The following DPYSL5 variants were observed in gnomAD, a reference collection of about 807,000 sequenced individuals.
DPYSL5 encodes dihydropyrimidinase like 5.
A neutral mutation model predicts 58.4 loss-of-function variants in DPYSL5; 9 were observed. That is an observed-to-expected ratio of 0.15 (90% CI 0.09 to 0.27). The LOEUF is 0.27. Ranked by LOEUF, DPYSL5 falls within the 10% of genes least tolerant of loss-of-function variation. The probability of loss-of-function intolerance (pLI) is 1.00; values close to 1 mark genes in which losing one functional copy is unlikely to be tolerated. For synonymous variants in DPYSL5, 293 were observed against 301.9 expected (o/e 0.97, Z 0.31); for missense variants, 499 against 770.6 (o/e 0.65, Z 4.17).
intron 1 of DPYSL5, among the ~76,000 whole-genome samples, chr2:26,885,320 G>A (rs375152171): frequency 4.5e-4 from 68 of 152,268 alleles, no homozygotes; most frequent in Middle Eastern, 3.4e-3. Flanking sequence ...TCCTGCACTC[G>A]GAAGAGGATG....
At chr2:26,879,751 G>T (rs1388765624) in intron 1 of DPYSL5, among the ~76,000 whole-genome samples, 2 of 151,378 alleles carry the variant, frequency 1.3e-5, no homozygotes, top group East Asian at 3.9e-4. Flanking sequence ...TGATCTAAAG[G>T]ATTCCTAGAG....
chr2:26,913,343 A>G (rs1008663305), intron 2 of DPYSL5, among the ~76,000 whole-genome samples: 2 of 152,190 alleles, frequency 1.3e-5, no homozygotes, highest in African/African-American at 2.4e-5. Context: ...GGTCCCTCAT[A>G]TCAATGGAAT....
chr2:26,892,746 T>G (rs1283999580), intron 1 of DPYSL5, among the ~76,000 whole-genome samples: 2 of 108,318 alleles, frequency 1.8e-5, no homozygotes, highest in East Asian at 5.8e-4. Context: ...CATAGAGCAT[T>G]GGGTTTGTTT....
In DPYSL5 at chr2:26,898,266, A is replaced by T. The variant is rs1664065531; in HGVS notation, c.-4-230A>T. ...TAGCATTTTGGGAAAGTAAAACATG[A>T]TGTTTCTGTAGGCCCCAGCTTCTCC... On this transcript the variant is annotated intron_variant, in intron 1 of 12. Transcript: ENST00000288699. This position sits in a 1 kb window ranked among gnomAD's most constrained non-coding sequence, Gnocchi z 6.1. Among the ~76,000 whole-genome samples the T allele has an allele frequency of 6.6e-6, 1 of 152,092 alleles. No homozygotes were observed. Among genetic ancestry groups the T allele is most frequent in the Admixed American group, 6.5e-5 (1 of 15,270 alleles).
chr2:26,916,063 C>G (rs1251620245), intron 2 of DPYSL5, among the ~76,000 whole-genome samples: 2 of 151,942 alleles, frequency 1.3e-5, no homozygotes, highest in Non-Finnish European at 2.9e-5. Context: ...TCTAAAAATT[C>G]CCTTCCCCCT....
chr2:26,849,352 G>A lies in DPYSL5; in HGVS notation c.-5+1098G>A, dbSNP rs1428847170. On this transcript the variant is annotated intron_variant, in intron 1 of 12. Transcript: ENST00000288699. This position sits in a 1 kb window ranked among gnomAD's most constrained non-coding sequence, Gnocchi z 6.2. ...GGAAGGGGAGCCTCCCGAGGAGGGA[G>A]GGGCAAGCAGCTGAGAGGCGGTCTC... 1.3e-5 allele frequency among the ~76,000 whole-genome samples: 2 copies of A among 151,988 alleles called. No homozygotes were observed. Among genetic ancestry groups the A allele is most frequent in the Non-Finnish European group, 2.9e-5 (2 of 67,960 alleles).
intron 1 of DPYSL5, among the ~76,000 whole-genome samples, chr2:26,851,418 A>G (rs1157437316): frequency 6.6e-6 from 1 of 152,242 alleles, no homozygotes; most frequent in Non-Finnish European, 1.5e-5. Context: ...TAATGCTTCT[A>G]TCTCTGGAAA....
chr2:26,865,477 C>G (rs1358545790), intron 1 of DPYSL5, among the ~76,000 whole-genome samples: 1 of 152,030 alleles, frequency 6.6e-6, no homozygotes, highest in African/African-American at 2.4e-5. Context: ...TGCACCACCA[C>G]GCCCAGCTAA....
At chr2:26,928,632 G>A (rs1664884696) in intron 5 of DPYSL5, among the ~76,000 whole-genome samples, 1 of 147,954 alleles carries the variant, frequency 6.8e-6, no homozygotes, top group African/African-American at 2.5e-5. Flanking sequence ...AGCCCAGGAG[G>A]TTGAGGCTGC....
At chr2:26,932,185 A>AAG (rs1438010833) in intron 6 of DPYSL5, among the ~76,000 whole-genome samples, 1 of 70,374 alleles carries the variant, frequency 1.4e-5, no homozygotes. Context: ...GAAAGAAAGA[A>AAG]AGAAAGAAAG....
intron 2 of DPYSL5, among the ~76,000 whole-genome samples, chr2:26,912,724 C>T (rs1377106852): frequency 1.3e-5 from 2 of 152,224 alleles, no homozygotes; most frequent in Non-Finnish European, 2.9e-5. Context: ...AAATTGGATG[C>T]TCGGCAGTGA....
At chr2:26,873,637 C>T (rs1467017958) in intron 1 of DPYSL5, among the ~76,000 whole-genome samples, 3 of 152,204 alleles carry the variant, frequency 2.0e-5, no homozygotes, top group South Asian at 2.1e-4. Context: ...GGTCTGCAGG[C>T]GAAATCCAGG....
At chr2:26,930,427 T>C (rs2148163282) in intron 5 of DPYSL5, among the ~76,000 whole-genome samples, 1 of 152,322 alleles carries the variant, frequency 6.6e-6, no homozygotes, top group South Asian at 2.1e-4. Flanking sequence ...TATTTTTGCT[T>C]GTCCCAACCT....
chr2:26,866,732 CTT>C (rs1298358466), intron 1 of DPYSL5, among the ~76,000 whole-genome samples: 19 of 132,878 alleles, frequency 1.4e-4, no homozygotes, highest in Admixed American at 1.5e-4. Context: ...AATTCTTCTT[CTT>C]TTTTTTTTTT....
intron 1 of DPYSL5, among the ~76,000 whole-genome samples, chr2:26,850,044 C>T (rs978067012): frequency 2.6e-5 from 4 of 151,990 alleles, no homozygotes; most frequent in Non-Finnish European, 4.4e-5. Context: ...CTTTGTCTGC[C>T]GAGGCGGCCG....
intron 1 of DPYSL5, among the ~76,000 whole-genome samples, chr2:26,861,833 T>C (rs1666025770): frequency 6.6e-6 from 1 of 152,190 alleles, no homozygotes; most frequent in Non-Finnish European, 1.5e-5. Context: ...TTCTAACTAA[T>C]AGGATACAAC....
chr2:26,878,414 A>G (rs1303874618), intron 1 of DPYSL5, among the ~76,000 whole-genome samples: 2 of 152,052 alleles, frequency 1.3e-5, no homozygotes, highest in Non-Finnish European at 2.9e-5. Flanking sequence ...TATGATACAC[A>G]CCTGTCATAC....
Position 26,944,496 on chromosome 2 carries a change from G to A in DPYSL5, c.1441-160G>A, listed in dbSNP as rs1665415211. Among the ~76,000 whole-genome samples, 1 of 152,132 alleles carries A rather than the reference G, an allele frequency of 6.6e-6. No individual in the cohort carries two copies. Among genetic ancestry groups the A allele is most frequent in the South Asian group, 2.1e-4 (1 of 4,824 alleles). ...GAGGTATGAGAAAACTCCAGCCCCTGGACTCAATGTTTAAGAAGCCTTGGT... is the reference window on the plus strand; with the variant it reads ...GAGGTATGAGAAAACTCCAGCCCCTAGACTCAATGTTTAAGAAGCCTTGGT... On this transcript the variant is annotated intron_variant, in intron 11 of 12. Transcript: ENST00000288699. The surrounding 1 kb of genome is among the most constrained non-coding windows in gnomAD (Gnocchi z 4.4).
chr2:26,895,780 T>TC lies in DPYSL5; in HGVS notation c.-4-2716_-4-2715insC, dbSNP rs201296541. Among the ~76,000 whole-genome samples the TC allele has an allele frequency of 4.2e-3, 582 of 139,142 alleles. 7 individuals are homozygous for TC. Among genetic ancestry groups the TC allele is most frequent in the African/African-American group, 0.015 (555 of 36,126 alleles). The allele number at this position is 139,142 out of a possible 152,430, so 91.3% of individuals were successfully genotyped here. A position where few individuals can be genotyped will look rare whatever the true frequency, so the allele number is the denominator to read the frequency against. The stretch of plus-strand genomic sequence containing the variant: ...TCTGTTCTCTATTTCTTTTTCTTTT[T>TC]TTTTTTTTTTTTTTTTTTGAGATGG... On this transcript the variant is annotated intron_variant, in intron 1 of 12. Coordinates refer to ENST00000288699, the MANE Select transcript of DPYSL5 (RefSeq NM_020134.4).
Sources: allele counts gnomAD v4.1 joint callset (sites outside exome capture counted in the v4.1 genomes callset), GRCh38; gene constraint gnomAD v4.1.1; non-coding constraint Gnocchi (gnomAD v3.1); transcripts MANE v1.5; gene names NCBI Gene and HGNC (gene_info 2026-07-23, HGNC 2026-07-21).